H6PD: variants seen among roughly 807,000 people sequenced by gnomAD.
The protein encoded by H6PD is hexose-6-phosphate dehydrogenase/glucose 1-dehydrogenase, also known as GDH/6PGL endoplasmic bifunctional protein.
H6PD carries 48 observed loss-of-function variants against 61.2 expected under a neutral mutation model. That is an observed-to-expected ratio of 0.78 (90% CI 0.62 to 1.00). H6PD has a LOEUF of 1.00. H6PD is among the 50% of genes least tolerant of loss of function. The pLI is 0.00. For missense variants in H6PD, 1,093 were observed against 1,065.0 expected (o/e 1.03, Z -0.37); for synonymous variants, 480 against 457.9 (o/e 1.05, Z -0.62).
At chr1:9,242,208 A>G (rs1641018704) in intron 1 of H6PD, among the ~76,000 whole-genome samples, 1 of 152,038 alleles carries the variant, frequency 6.6e-6, no homozygotes, top group Non-Finnish European at 1.5e-5. Flanking sequence ...GAGTCTCACT[A>G]CTCAAAGTGT....
intron 1 of H6PD, chr1:9,243,099 T>TGGCTCA (rs1641047874): frequency 2.7e-6 from 1 of 368,928 alleles, no homozygotes; most frequent in Non-Finnish European, 3.8e-6. Context: ...CTGTAGACAC[T>TGGCTCA]GGCTCAGACA....
intron 3 of H6PD, among the ~76,000 whole-genome samples, chr1:9,259,373 G>A (rs571023707): frequency 7.2e-5 from 11 of 152,056 alleles, no homozygotes; most frequent in East Asian, 1.9e-4. Flanking sequence ...CCATTGTTGC[G>A]CCAGTGTTGT....
chr1:9,240,855 CG>C (rs1640976950), intron 1 of H6PD, among the ~76,000 whole-genome samples: 1 of 152,162 alleles, frequency 6.6e-6, no homozygotes. Flanking sequence ...GAAGCAGAGC[CG>C]TGCAGCATGA....
Position 9,263,587 on chromosome 1 carries a change from G to C in H6PD, c.1094G>C (p.Arg365Thr), listed in dbSNP as rs769224273. 6 of 1,614,240 alleles carry C rather than the reference G, an allele frequency of 3.7e-6. No homozygotes were observed. Among genetic ancestry groups the C allele is most frequent in the Non-Finnish European group, 4.2e-6 (5 of 1,180,024 alleles). ...ATGTCTGGCAAAGCCTTGGACGAGA[G>C]AGTGGGCTACGCTCGGATCTTGTTC... ...ILMSGKALDE[R>T]VGYARILFKN... is the part of the protein sequence containing the mutation. Residue 365 changes from arginine to threonine, a missense_variant, in exon 5 of 5, where the codon AGA (arginine) becomes ACA (threonine). Coordinates refer to ENST00000377403, the MANE Select transcript of H6PD (RefSeq NM_004285.4).
In H6PD at chr1:9,268,641, TC is replaced by T; in HGVS notation, c.*3775del. On this transcript the variant is annotated 3_prime_UTR_variant, in exon 5 of 5. Transcript: ENST00000377403. ...TAAAATAGGCCCTTCTTACTGAATT[TC>T]CCTGTTTGTTTCTCTGCAGACAATG... 1 of 152,370 alleles carries T rather than the reference TC, an allele frequency of 6.6e-6. No individual in the cohort carries two copies. The highest frequency in any genetic ancestry group is 1.5e-5 in the Non-Finnish European group (1 of 68,034). The allele number at this position is 152,370 out of a possible 1,614,324, so 9.4% of individuals were successfully genotyped here.
In H6PD at chr1:9,264,682, G is replaced by T; in HGVS notation, c.2189G>T (p.Ser730Ile). 1 of 1,613,312 alleles carries T rather than the reference G, an allele frequency of 6.2e-7. No individual in the cohort carries two copies. The highest frequency in any genetic ancestry group is 8.5e-7 in the Non-Finnish European group (1 of 1,180,018). ...CCCTCCCAGCCACACCGCCGCATGA[G>T]CCTTAGCCTGCCTCTCATCAACCGC... ...TSPSQPHRRM[S>I]LSLPLINRAK... The change falls in exon 5 of 5, where the codon AGC becomes ATC. Residue 730 changes from serine (S) to isoleucine (I), a missense_variant. Coordinates refer to ENST00000377403, the MANE Select transcript of H6PD (RefSeq NM_004285.4).
At chr1:9,237,200 C>CT (rs1273998597) in intron 1 of H6PD, among the ~76,000 whole-genome samples, 1 of 146,468 alleles carries the variant, frequency 6.8e-6, no homozygotes, top group Non-Finnish European at 1.5e-5. Flanking sequence ...CCTATCACCT[C>CT]TAGCTGCTTG....
rs1382312734 is a variant in H6PD at position 9,267,904 on chromosome 1, G to A, written c.*3035G>A. 6.6e-6 allele frequency: 1 copy of A among 152,156 alleles called. No individual in the cohort carries two copies. Among genetic ancestry groups the A allele is most frequent in the Non-Finnish European group, 1.5e-5 (1 of 68,028 alleles). The allele number at this position is 152,156 out of a possible 1,614,324, so 9.4% of individuals were successfully genotyped here. A position where few individuals can be genotyped will look rare whatever the true frequency, so the allele number is the denominator to read the frequency against. On this transcript the variant is annotated 3_prime_UTR_variant, in exon 5 of 5. Coordinates refer to ENST00000377403, the MANE Select transcript of H6PD (RefSeq NM_004285.4). ...AGAAATTCTTAACCTTAGAACCTCG[G>A]ATATCCTCTATGTTTTAGTTTTCAT... is the stretch of plus-strand genomic sequence containing the variant.
intron 1 of H6PD, among the ~76,000 whole-genome samples, chr1:9,240,372 C>T (rs776989972): frequency 6.6e-6 from 1 of 152,144 alleles, no homozygotes; most frequent in East Asian, 1.9e-4. Flanking sequence ...GGTCAAGGCT[C>T]GAAGCACTCA....
intron 1 of H6PD, among the ~76,000 whole-genome samples, chr1:9,235,425 G>A (rs1640825267): frequency 6.6e-6 from 1 of 152,064 alleles, no homozygotes; most frequent in African/African-American, 2.4e-5. Flanking sequence ...CTGGATCTCT[G>A]AAAATCAGCT....
At position 9,254,162 on chromosome 1, in the gene H6PD, C is replaced by G. The variant is rs1641448502; in HGVS notation, c.745+7079C>G. 6.6e-6 allele frequency among the ~76,000 whole-genome samples: 1 copy of G among 152,114 alleles called. No individual in the cohort carries two copies. Among genetic ancestry groups the G allele is most frequent in the Non-Finnish European group, 1.5e-5 (1 of 68,024 alleles). Reference sequence around the variant, plus strand: ...CTTGAGGTCAGGCGTTCAAGACCAGCCTGGTCAAATGGTGAAACCCCATCT... The same window carrying G: ...CTTGAGGTCAGGCGTTCAAGACCAGGCTGGTCAAATGGTGAAACCCCATCT... On this transcript the variant is annotated intron_variant, in intron 3 of 4. Coordinates refer to ENST00000377403, the MANE Select transcript of H6PD (RefSeq NM_004285.4). This position sits in a 1 kb window ranked among gnomAD's most constrained non-coding sequence, Gnocchi z 4.6.
intron 4 of H6PD, among the ~76,000 whole-genome samples, chr1:9,263,110 A>G (rs1638388213): frequency 1.3e-5 from 2 of 152,022 alleles, no homozygotes; most frequent in Non-Finnish European, 2.9e-5. Context: ...CTTCACAAGC[A>G]GGAGGGAAGC....
intron 3 of H6PD, among the ~76,000 whole-genome samples, chr1:9,247,363 TC>T (rs747161439): frequency 6.6e-6 from 1 of 151,894 alleles, no homozygotes; most frequent in Non-Finnish European, 1.5e-5. Context: ...CTCCCTGAGG[TC>T]CCCCAAGTTT....
At position 9,267,997 on chromosome 1, in the gene H6PD, C is replaced by CT. The variant is rs1428467534; in HGVS notation, c.*3129dup. 1 of 152,056 alleles carries CT rather than the reference C, an allele frequency of 6.6e-6. No individual in the cohort carries two copies. Among genetic ancestry groups the CT allele is most frequent in the African/African-American group, 2.4e-5 (1 of 41,388 alleles). 9.4% of individuals were successfully genotyped at this position (152,056 alleles called of 1,614,324 possible). ...GTGGCTCATGCCTGTAATCCCAGCA[C>CT]TATGGGAGGCTGAGGTGAGAGGATC... On this transcript the variant is annotated 3_prime_UTR_variant, in exon 5 of 5. Coordinates refer to ENST00000377403, the MANE Select transcript of H6PD (RefSeq NM_004285.4).
At position 9,234,863 on chromosome 1, in the gene H6PD, C is replaced by G. The variant is rs1640805445; in HGVS notation, c.-214C>G. ...GCTGGCCTTGGCCTCGCGCCTTCCC[C>G]TGCGGCCGCCGCGGGCTCCGCGGGC... On this transcript the variant is annotated 5_prime_UTR_variant, in exon 1 of 5. Coordinates refer to ENST00000377403, the MANE Select transcript of H6PD (RefSeq NM_004285.4). 6.8e-6 allele frequency: 1 copy of G among 147,778 alleles called. No individual in the cohort carries two copies. The highest frequency in any genetic ancestry group is 1.5e-5 in the Non-Finnish European group (1 of 66,340). The allele number at this position is 147,778 out of a possible 1,614,324, so 9.2% of individuals were successfully genotyped here. A position where few individuals can be genotyped will look rare whatever the true frequency, so the allele number is the denominator to read the frequency against.
intron 1 of H6PD, among the ~76,000 whole-genome samples, chr1:9,236,733 C>G (rs1640859225): frequency 6.6e-6 from 1 of 150,618 alleles, no homozygotes; most frequent in Non-Finnish European, 1.5e-5. Flanking sequence ...AGGCATTGTG[C>G]TAAGTACCTT....
rs1557427024 is a variant in H6PD, at chr1:9,264,754, T to C, written c.2261T>C (p.Ile754Thr). ...VLVMGRMKRE[I>T]TTLVSRVGHE... is the part of the protein sequence containing the mutation. ...GTCATGGGCAGGATGAAGCGTGAGA[T>C]CACCACGCTGGTGAGCCGGGTGGGC... The change falls in exon 5 of 5, where the codon ATC becomes ACC. Residue 754 changes from isoleucine to threonine, a missense_variant. Coordinates refer to ENST00000377403, the MANE Select transcript of H6PD (RefSeq NM_004285.4). The C allele has an allele frequency of 1.9e-6, 3 of 1,613,100 alleles. No homozygotes were observed. Among genetic ancestry groups the C allele is most frequent in the Non-Finnish European group, 2.5e-6 (3 of 1,179,934 alleles).
rs1638725168 is a variant in H6PD at position 9,270,844 on chromosome 1, G to A, written c.*5975G>A. On this transcript the variant is annotated 3_prime_UTR_variant, in exon 5 of 5. Transcript: ENST00000377403. Reference sequence around the variant, plus strand: ...CCACCCATTGCCAAGCAGCAAGAATGTTCGTGCTTTTTTCCAGAGAGGGGA... The same window carrying A: ...CCACCCATTGCCAAGCAGCAAGAATATTCGTGCTTTTTTCCAGAGAGGGGA... 6.6e-6 allele frequency: 1 copy of A among 152,132 alleles called. No individual in the cohort carries two copies. Among genetic ancestry groups the A allele is most frequent in the Admixed American group, 6.5e-5 (1 of 15,274 alleles). 9.4% of individuals were successfully genotyped at this position (152,132 alleles called of 1,614,324 possible). A position where few individuals can be genotyped will look rare whatever the true frequency, so the allele number is the denominator to read the frequency against.
At chr1:9,253,609 A>G (rs1362390132) in intron 3 of H6PD, among the ~76,000 whole-genome samples, 1 of 152,144 alleles carries the variant, frequency 6.6e-6, no homozygotes, top group Non-Finnish European at 1.5e-5. Flanking sequence ...TCCGCCACTG[A>G]TGGCATTTCA....
Sources: allele counts gnomAD v4.1 joint callset (sites outside exome capture counted in the v4.1 genomes callset), GRCh38; gene constraint gnomAD v4.1.1; non-coding constraint Gnocchi (gnomAD v3.1); transcripts MANE v1.5; gene names NCBI Gene and HGNC (gene_info 2026-07-23, HGNC 2026-07-21).